Variants in DCAF12 observed in about 807,000 individuals in gnomAD.
The protein encoded by DCAF12 is DDB1 and CUL4 associated factor 12.
In DCAF12, 28 loss-of-function variants were observed where a neutral mutation model predicts 52.8. The observed-to-expected ratio is 0.53, with a 90% CI of 0.39 to 0.73. The LOEUF is 0.73. Among genes scored for constraint, DCAF12 ranks in the 30% least tolerant of loss-of-function variants. DCAF12 has a pLI of 0.00. For missense variants in DCAF12, 425 were observed against 552.2 expected (o/e 0.77, Z 2.31); for synonymous variants, 196 against 215.5 (o/e 0.91, Z 0.79).
intron 6 of DCAF12, among the ~76,000 whole-genome samples, chr9:34,095,063 A>G (rs934788404): frequency 6.8e-6 from 1 of 147,318 alleles, no homozygotes; most frequent in Non-Finnish European, 1.5e-5. Flanking sequence ...TGGTGCTCAA[A>G]AAGTTTTGGA....
intron 6 of DCAF12, among the ~76,000 whole-genome samples, chr9:34,094,751 CA>C (rs1434576303): frequency 6.6e-6 from 1 of 151,846 alleles, no homozygotes; most frequent in African/African-American, 2.4e-5. Flanking sequence ...AGGATGGTCT[CA>C]ATCTCCTGAC....
chr9:34,109,031 G>T (rs1232069471), intron 2 of DCAF12: 13 of 148,148 alleles, frequency 8.8e-5, no homozygotes, highest in Admixed American at 6.8e-4. Flanking sequence ...CTAGGAAAAT[G>T]GTTTCATTGG....
At chr9:34,104,901 C>A (rs1261121106) in intron 4 of DCAF12, among the ~76,000 whole-genome samples, 1 of 148,916 alleles carries the variant, frequency 6.7e-6, no homozygotes, top group South Asian at 2.1e-4. Flanking sequence ...CTGGGCAACA[C>A]AGCAAGACTC....
chr9:34,091,749 C>G (rs968746443), intron 7 of DCAF12, among the ~76,000 whole-genome samples: 2 of 151,696 alleles, frequency 1.3e-5, no homozygotes, highest in African/African-American at 4.8e-5. Flanking sequence ...CTGCAATCCA[C>G]AGTGTGCCTT....
chr9:34,101,006 G>C (rs1292435308), intron 4 of DCAF12, among the ~76,000 whole-genome samples: 1 of 149,738 alleles, frequency 6.7e-6, no homozygotes, highest in Non-Finnish European at 1.5e-5. Context: ...GAGACCCATG[G>C]ATTTCCTGAA....
intron 2 of DCAF12, among the ~76,000 whole-genome samples, chr9:34,117,615 T>C (rs1829108103): frequency 6.6e-6 from 1 of 152,020 alleles, no homozygotes; most frequent in Admixed American, 6.6e-5. Flanking sequence ...AAACAAATAT[T>C]TGTTAAAAAG....
In DCAF12 at chr9:34,114,041, G is replaced by A. The variant is rs182492239; in HGVS notation, c.334-6476C>T. Among the ~76,000 whole-genome samples, 9 of 151,942 alleles carry A rather than the reference G, an allele frequency of 5.9e-5. No homozygotes were observed. The East Asian group carries it at 1.7e-3, about 30-fold the overall frequency. On this transcript the variant is annotated intron_variant, in intron 2 of 8. Transcript: ENST00000361264. Reference sequence around the variant, plus strand: ...GAGAATGGCGTGAACCTGGGAGGCGGAGCTTGCAGTGAGCCGAGATCATGC... The same window carrying A: ...GAGAATGGCGTGAACCTGGGAGGCGAAGCTTGCAGTGAGCCGAGATCATGC...
chr9:34,104,204 G>C (rs1013734757), intron 4 of DCAF12, among the ~76,000 whole-genome samples: 8 of 151,962 alleles, frequency 5.3e-5, no homozygotes, highest in African/African-American at 1.9e-4. Context: ...GGCTGAGGTT[G>C]CAGTGAGCCA....
At position 34,099,339 on chromosome 9, in the gene DCAF12, C is replaced by T. The variant is rs577538630; in HGVS notation, c.602-822G>A. Reference sequence around the variant, plus strand: ...GCAACCTCCGCCTCCCAGGTTCAAGCGATTCTCCTGCCCCAGCCTGTAGCT... The same window carrying T: ...GCAACCTCCGCCTCCCAGGTTCAAGTGATTCTCCTGCCCCAGCCTGTAGCT... On this transcript the variant is annotated intron_variant, in intron 4 of 8. Coordinates refer to ENST00000361264, the MANE Select transcript of DCAF12 (RefSeq NM_015397.4). 6.2e-4 allele frequency among the ~76,000 whole-genome samples: 95 copies of T among 152,112 alleles called. 1 individual carries two copies. The highest frequency in any genetic ancestry group is 2.1e-3 in the African/African-American group (87 of 41,528).
chr9:34,101,553 C>T (rs1381245620), intron 4 of DCAF12, among the ~76,000 whole-genome samples: 6 of 151,532 alleles, frequency 4.0e-5, no homozygotes, highest in Non-Finnish European at 7.4e-5. Context: ...CCACCATGCC[C>T]GGCTAATTTT....
rs567111517 is a variant in DCAF12, at chr9:34,123,460, AT to A, written c.333+1562del. On this transcript the variant is annotated intron_variant, in intron 2 of 8. Transcript: ENST00000361264. ...AAACAAAAGCACAAATAAGGGAATC[AT>A]TTGCCCAATGTCACAAAGTTCAGAG... Among the ~76,000 whole-genome samples, 58 of 152,292 alleles carry A rather than the reference AT, an allele frequency of 3.8e-4. 1 individual carries two copies. In the East Asian group the frequency reaches 0.011, roughly 28 times the overall value.
rs950975811 is a variant in DCAF12 at position 34,126,576 on chromosome 9, G to GA, written c.-146dup. The GA allele has an allele frequency of 1.3e-5, 11 of 844,648 alleles. No individual in the cohort carries two copies. In the African/African-American group the frequency reaches 1.6e-4, roughly 12 times the overall value. 52.3% of individuals were successfully genotyped at this position (844,648 alleles called of 1,614,324 possible). The stretch of plus-strand genomic sequence containing the variant: ...ATGGCCCGGACCCGGAGCGGCAGCA[G>GA]AAAAAAGATAGGCGGAAAGAAAGGA... On this transcript the variant is annotated 5_prime_UTR_variant, in exon 1 of 9. Transcript: ENST00000361264.
At chr9:34,092,983 T>A (rs1828669650) in intron 7 of DCAF12, among the ~76,000 whole-genome samples, 2 of 152,162 alleles carry the variant, frequency 1.3e-5, no homozygotes, top group Non-Finnish European at 2.9e-5. Flanking sequence ...GCAGCTGGGA[T>A]TACAGGCATG....
chr9:34,125,031 AT>A lies in DCAF12; in HGVS notation c.324del (p.Lys108AsnfsTer8). 6.2e-7 allele frequency: 1 copy of A among 1,613,138 alleles called. No homozygotes were observed. Among genetic ancestry groups the A allele is most frequent in the Non-Finnish European group, 8.5e-7 (1 of 1,180,016 alleles). ...TCCCCCCAGGCACTTACCGTGTTGC[AT>A]TTTGTGCCACACACCACTTGCCTAT... is the stretch of plus-strand genomic sequence containing the variant. ...LNHRQVVCGT[K>X]CNTLFVVDVQ... On this transcript the variant is annotated frameshift_variant, in exon 2 of 9. Coordinates refer to ENST00000361264, the MANE Select transcript of DCAF12 (RefSeq NM_015397.4). LOFTEE classifies it high-confidence loss of function.
rs539284048 is a variant in DCAF12 at position 34,106,502 on chromosome 9, A to G, written c.541-8T>C. ...CCAGTCCTTGTGTCCATCCTTGGAGAGCAGGGAGTAACAGGTACAGGGAGG... is the reference window on the plus strand; with the variant it reads ...CCAGTCCTTGTGTCCATCCTTGGAGGGCAGGGAGTAACAGGTACAGGGAGG... On this transcript the variant is annotated splice_polypyrimidine_tract_variant and splice_region_variant and intron_variant, in intron 3 of 8. Transcript: ENST00000361264. The G allele has an allele frequency of 1.2e-6, 2 of 1,608,164 alleles. No individual in the cohort carries two copies. Among genetic ancestry groups the G allele is most frequent in the South Asian group, 2.2e-5 (2 of 90,350 alleles).
At chr9:34,122,854 T>C (rs971707227) in intron 2 of DCAF12, among the ~76,000 whole-genome samples, 3 of 152,186 alleles carry the variant, frequency 2.0e-5, no homozygotes, top group Non-Finnish European at 4.4e-5. Flanking sequence ...CCTTCTGTAG[T>C]TCTTTGCAGC....
intron 2 of DCAF12, among the ~76,000 whole-genome samples, chr9:34,124,150 TC>T (rs1164550940): frequency 1.5e-4 from 23 of 152,350 alleles, no homozygotes; most frequent in African/African-American, 5.1e-4. Flanking sequence ...CAATCTTCTC[TC>T]TTTTAATGAT....
At chr9:34,116,965 C>T (rs1283472013) in intron 2 of DCAF12, among the ~76,000 whole-genome samples, 3 of 152,274 alleles carry the variant, frequency 2.0e-5, no homozygotes, top group Non-Finnish European at 4.4e-5. Flanking sequence ...GGCAATAGCG[C>T]GAGACTCCGT....
At position 34,088,184 on chromosome 9, in the gene DCAF12, G is replaced by A; in HGVS notation, c.*166C>T. Reference sequence around the variant, plus strand: ...AAAACAAAAAGCAAAACAACTTTCAGATTTCTGTACAGAGCTTCTTCCTAT... The same window carrying A: ...AAAACAAAAAGCAAAACAACTTTCAAATTTCTGTACAGAGCTTCTTCCTAT... On this transcript the variant is annotated 3_prime_UTR_variant, in exon 9 of 9. Transcript: ENST00000361264. 1.7e-6 allele frequency: 1 copy of A among 600,678 alleles called. No homozygotes were observed. The highest frequency in any genetic ancestry group is 2.6e-6 in the Non-Finnish European group (1 of 387,164). 37.2% of individuals were successfully genotyped at this position (600,678 alleles called of 1,614,324 possible).
Sources: allele counts gnomAD v4.1 joint callset (sites outside exome capture counted in the v4.1 genomes callset), GRCh38; gene constraint gnomAD v4.1.1; transcripts MANE v1.5; gene names NCBI Gene and HGNC (gene_info 2026-07-23, HGNC 2026-07-21).